The following FOXP1 variants were observed in gnomAD, a reference collection of about 807,000 sequenced individuals.
The protein encoded by FOXP1 is forkhead box P1, also known as forkhead box protein P1.
FOXP1 carries 15 observed loss-of-function variants against 98.2 expected under a neutral mutation model. The ratio of observed to expected loss-of-function variants is 0.15; its 90% CI spans 0.10 to 0.24. FOXP1 has a LOEUF of 0.24. Among genes scored for constraint, FOXP1 ranks in the 10% least tolerant of loss-of-function variants. The probability of loss-of-function intolerance (pLI) is 1.00; values close to 1 mark genes in which losing one functional copy is unlikely to be tolerated. For missense variants in FOXP1, 633 were observed against 848.5 expected (o/e 0.75, Z 3.15); for synonymous variants, 371 against 314.5 (o/e 1.18, Z -1.90).
chr3:71,140,166 A>C (rs1339181928), intron 6 of FOXP1, among the ~76,000 whole-genome samples: 1 of 152,130 alleles, frequency 6.6e-6, no homozygotes, highest in African/African-American at 2.4e-5. Context: ...ATTTTTTAGG[A>C]TCTTGGAATA....
chr3:71,254,105 T>C (rs1192672891), intron 5 of FOXP1, among the ~76,000 whole-genome samples: 2 of 152,232 alleles, frequency 1.3e-5, no homozygotes, highest in Non-Finnish European at 2.9e-5. Flanking sequence ...GTAACAAATC[T>C]ATAAGAAATT....
At chr3:71,479,103 C>T (rs983735916) in intron 3 of FOXP1, among the ~76,000 whole-genome samples, 1 of 152,164 alleles carries the variant, frequency 6.6e-6, no homozygotes, top group African/African-American at 2.4e-5. Flanking sequence ...GTAACTTTTA[C>T]GTCACTTGCA....
chr3:71,530,027 T>C (rs2043707497), intron 2 of FOXP1, among the ~76,000 whole-genome samples: 1 of 152,142 alleles, frequency 6.6e-6, no homozygotes, highest in Non-Finnish European at 1.5e-5. Context: ...GGCCGAGCCC[T>C]TAACCTGTGG....
chr3:70,994,055 T>G (rs1254647395), intron 13 of FOXP1, among the ~76,000 whole-genome samples: 1 of 150,710 alleles, frequency 6.6e-6, no homozygotes, highest in Admixed American at 6.6e-5. Context: ...AAGTGACTCT[T>G]AGAATCAAGG....
At chr3:71,068,648 C>T (rs1179192658) in intron 7 of FOXP1, among the ~76,000 whole-genome samples, 2 of 152,216 alleles carry the variant, frequency 1.3e-5, no homozygotes. Context: ...TGTGTTAACA[C>T]AACACACATT....
intron 4 of FOXP1, among the ~76,000 whole-genome samples, chr3:71,348,173 T>C (rs1232068851): frequency 6.6e-6 from 1 of 152,212 alleles, no homozygotes; most frequent in East Asian, 1.9e-4. Flanking sequence ...CAGACCATCA[T>C]TGACTGCTGG....
chr3:71,023,018 C>G (rs1185971413), intron 11 of FOXP1, among the ~76,000 whole-genome samples: 2 of 152,136 alleles, frequency 1.3e-5, no homozygotes, highest in African/African-American at 4.8e-5. Context: ...AATACACAAA[C>G]CAAAAGGCAC....
At chr3:71,493,802 C>T (rs528097221) in intron 2 of FOXP1, among the ~76,000 whole-genome samples, 1 of 152,128 alleles carries the variant, frequency 6.6e-6, no homozygotes, top group South Asian at 2.1e-4. Context: ...GGCTTTGTAC[C>T]AAATATTTTA....
At chr3:71,495,003 G>T (rs555517468) in intron 2 of FOXP1, among the ~76,000 whole-genome samples, 1 of 152,200 alleles carries the variant, frequency 6.6e-6, no homozygotes, top group African/African-American at 2.4e-5. Context: ...GATAAAATTT[G>T]AATTTCTTTC....
intron 5 of FOXP1, among the ~76,000 whole-genome samples, chr3:71,209,436 C>T (rs1461325594): frequency 6.6e-6 from 1 of 152,194 alleles, no homozygotes; most frequent in East Asian, 1.9e-4. Context: ...TCTAAGATAC[C>T]TTTAAGCCCA....
intron 6 of FOXP1, among the ~76,000 whole-genome samples, chr3:71,180,997 G>A (rs188594394): frequency 2.0e-5 from 3 of 152,296 alleles, no homozygotes; most frequent in Admixed American, 6.5e-5. Flanking sequence ...TTGCCCACAA[G>A]AACCGGTTCC....
At chr3:71,501,530 T>G (rs2041359741) in intron 2 of FOXP1, among the ~76,000 whole-genome samples, 1 of 152,094 alleles carries the variant, frequency 6.6e-6, no homozygotes, top group Admixed American at 6.6e-5. Flanking sequence ...CCTGACCTCA[T>G]GATCCACCCA....
chr3:71,230,252 C>T lies in FOXP1; in HGVS notation c.-11-31860G>A, dbSNP rs368978937. On this transcript the variant is annotated intron_variant, in intron 5 of 20. Coordinates refer to ENST00000649528, the MANE Select transcript of FOXP1 (RefSeq NM_001349338.3). ...AAACTGTGTAGCTTTTCAAATGGAT[C>T]GCTTTCTTTAAAAACTGCTGTTCTT... is the stretch of plus-strand genomic sequence containing the variant. Among the ~76,000 whole-genome samples the T allele has an allele frequency of 6.6e-5, 10 of 152,288 alleles. No homozygotes were observed. In the East Asian group the frequency reaches 1.9e-3, roughly 29 times the overall value.
Position 71,159,058 on chromosome 3 carries a change from T to C in FOXP1, c.180+39144A>G, listed in dbSNP as rs145176728. On this transcript the variant is annotated intron_variant, in intron 6 of 20. Transcript: ENST00000649528. ...GAGGTCGAGGTGCAGTAAGCCATGA[T>C]TGCAACACTGCACTTCAGCTTAGGT... 2.8e-5 allele frequency among the ~76,000 whole-genome samples: 4 copies of C among 143,884 alleles called. No homozygotes were observed. The East Asian group carries it at 8.1e-4, about 29-fold the overall frequency. 94.4% of individuals were successfully genotyped at this position (143,884 alleles called of 152,430 possible).
intron 4 of FOXP1, among the ~76,000 whole-genome samples, chr3:71,316,565 C>A (rs2075086805): frequency 6.6e-6 from 1 of 152,132 alleles, no homozygotes; most frequent in African/African-American, 2.4e-5. Context: ...CACCACAGAG[C>A]TGCCTTCCTC....
chr3:71,406,405 G>GTATATATATATATATATGTATATATA (rs2082341024), intron 3 of FOXP1, among the ~76,000 whole-genome samples: 1 of 105,948 alleles, frequency 9.4e-6, no homozygotes, highest in Non-Finnish European at 2.2e-5. Flanking sequence ...AACTGTATGT[G>GTATATATATATATATATGTATATATA]TATATATATA....
At chr3:71,389,757 TTAATAA>T in intron 3 of FOXP1, among the ~76,000 whole-genome samples, 1 of 152,198 alleles carries the variant, frequency 6.6e-6, no homozygotes, top group African/African-American at 2.4e-5. Context: ...CTTGCATAAT[TTAATAA>T]TAATTGTGGA....
At chr3:71,570,661 C>T (rs34068332) in intron 2 of FOXP1, 85,407 of 152,130 alleles carry the variant, frequency 0.56, 25,169 homozygotes, top group Non-Finnish European at 0.63. Flanking sequence ...AAGAAAAGAA[C>T]AGAGTTTGGG....
chr3:71,149,339 G>T (rs906866757), intron 6 of FOXP1, among the ~76,000 whole-genome samples: 1 of 152,138 alleles, frequency 6.6e-6, no homozygotes, highest in Non-Finnish European at 1.5e-5. Flanking sequence ...ATTGTATATT[G>T]TATTTAATAG....
Sources: gnomAD v4.1 joint callset for allele counts (sites outside exome capture counted in the v4.1 genomes callset) on GRCh38, gnomAD v4.1.1 for gene constraint, MANE v1.5 for transcripts, NCBI Gene and HGNC (gene_info 2026-07-23, HGNC 2026-07-21) for gene names.